Variants in OTUD7A observed in about 807,000 individuals in gnomAD.
OTUD7A encodes OTU domain-containing protein 7A.
A neutral mutation model predicts 65.7 loss-of-function variants in OTUD7A; 12 were observed. That is an observed-to-expected ratio of 0.18 (90% CI 0.12 to 0.30). The LOEUF is 0.30. Among genes scored for constraint, OTUD7A ranks in the 10% least tolerant of loss-of-function variants. OTUD7A has a pLI of 1.00. For synonymous variants in OTUD7A, 641 were observed against 586.3 expected (o/e 1.09, Z -1.35); for missense variants, 1,148 against 1,304.8 (o/e 0.88, Z 1.85).
In OTUD7A at chr15:31,748,700, G is replaced by A. The variant is rs531036300; in HGVS notation, c.-99-91623C>T. On this transcript the variant is annotated intron_variant, in intron 1 of 12. Coordinates refer to ENST00000307050, the MANE Select transcript of OTUD7A (RefSeq NM_001382637.1). Reference sequence around the variant, plus strand: ...AAAGCTAAACGTACAAATACCCTATGAACCAGCAATTTCATTCCTAGGTAT... The same window carrying A: ...AAAGCTAAACGTACAAATACCCTATAAACCAGCAATTTCATTCCTAGGTAT... Among the ~76,000 whole-genome samples, 554 of 152,120 alleles carry A rather than the reference G, an allele frequency of 3.6e-3. 2 individuals carry two copies. Among genetic ancestry groups the A allele is most frequent in the Non-Finnish European group, 5.5e-3 (377 of 68,002 alleles).
chr15:31,837,264 C>T (rs1897075878), intron 1 of OTUD7A, among the ~76,000 whole-genome samples: 1 of 151,846 alleles, frequency 6.6e-6, no homozygotes, highest in African/African-American at 2.4e-5. Context: ...TGCAGTGGCT[C>T]ACACCTGTAA....
chr15:31,537,667 C>T (rs1887850060), intron 5 of OTUD7A, among the ~76,000 whole-genome samples: 1 of 152,148 alleles, frequency 6.6e-6, no homozygotes, highest in Non-Finnish European at 1.5e-5. Context: ...TGGGTTGCCA[C>T]AGAGTAAAAT....
rs1246512709 is a variant in OTUD7A, at chr15:31,484,450, T to C, written c.1646A>G (p.Lys549Arg). ...MGGLGGLVHG[K>R]MGRANSANGK... is the part of the protein sequence containing the mutation. Reference sequence around the variant, plus strand: ...ATTGGCGGAGTTGGCGCGGCCCATCTTGCCGTGCACCAGGCCGCCGAGGCC... The same window carrying C: ...ATTGGCGGAGTTGGCGCGGCCCATCCTGCCGTGCACCAGGCCGCCGAGGCC... Residue 549 changes from lysine (K) to arginine (R), a missense_variant, in exon 13 of 13, where the codon AAG becomes AGG. Physicochemically the swap from Lys to Arg is conservative, Grantham distance 26 (BLOSUM62 2). Coordinates refer to ENST00000307050, the MANE Select transcript of OTUD7A (RefSeq NM_001382637.1). This position sits in a 1 kb window ranked among gnomAD's most constrained non-coding sequence, Gnocchi z 4.5. The C allele has an allele frequency of 2.5e-6, 4 of 1,604,566 alleles. No homozygotes were observed. Among genetic ancestry groups the C allele is most frequent in the East Asian group, 2.2e-5 (1 of 44,848 alleles).
chr15:31,541,154 A>T (rs780639293), intron 5 of OTUD7A, among the ~76,000 whole-genome samples: 53 of 151,838 alleles, frequency 3.5e-4, no homozygotes, highest in Non-Finnish European at 6.5e-4. Flanking sequence ...AGCATGTTAA[A>T]TTTTTTTTTG....
intron 1 of OTUD7A, among the ~76,000 whole-genome samples, chr15:31,770,892 T>C (rs1895216922): frequency 6.6e-6 from 1 of 152,112 alleles, no homozygotes; most frequent in Non-Finnish European, 1.5e-5. Context: ...ATTAAGAATA[T>C]AAAAGGACTC....
intron 5 of OTUD7A, among the ~76,000 whole-genome samples, chr15:31,531,373 A>C (rs1326011899): frequency 6.6e-6 from 1 of 152,264 alleles, no homozygotes; most frequent in East Asian, 1.9e-4. Context: ...TCATATTAGA[A>C]GACTCTGAAA....
At chr15:31,534,163 C>T (rs953716346) in intron 5 of OTUD7A, among the ~76,000 whole-genome samples, 1 of 152,036 alleles carries the variant, frequency 6.6e-6, no homozygotes, top group Non-Finnish European at 1.5e-5. Context: ...GAATATGATG[C>T]AAAATTCATA....
chr15:31,809,928 G>A (rs1489607570), intron 1 of OTUD7A, among the ~76,000 whole-genome samples: 2 of 152,208 alleles, frequency 1.3e-5, no homozygotes, highest in Admixed American at 6.5e-5. Flanking sequence ...TCCACAAAAT[G>A]TATCTAATTA....
Position 31,570,777 on chromosome 15 carries a change from C to T in OTUD7A, c.152-580G>A, listed in dbSNP as rs189377610. The stretch of plus-strand genomic sequence containing the variant: ...TGGGCAGGTGTGCCCAGCGTGGGTA[C>T]GCACTCAGCAGGGCTCCCACCCCGA... On this transcript the variant is annotated intron_variant, in intron 3 of 12. Coordinates refer to ENST00000307050, the MANE Select transcript of OTUD7A (RefSeq NM_001382637.1). Among the ~76,000 whole-genome samples the T allele has an allele frequency of 1.6e-4, 24 of 152,226 alleles. No homozygotes were observed. The East Asian group carries it at 2.1e-3, about 14-fold the overall frequency.
intron 5 of OTUD7A, chr15:31,557,391 A>C (rs1368011772): frequency 2.0e-5 from 3 of 152,236 alleles, no homozygotes; most frequent in Non-Finnish European, 2.9e-5. Flanking sequence ...ATCCTTCTCC[A>C]TGCTGCTCTG....
At chr15:31,775,743 T>C (rs946249450) in intron 1 of OTUD7A, among the ~76,000 whole-genome samples, 2 of 152,110 alleles carry the variant, frequency 1.3e-5, no homozygotes, top group African/African-American at 4.8e-5. Flanking sequence ...GGAATGAGTG[T>C]AGACATGGGC....
At chr15:31,783,690 A>C (rs191616140) in intron 1 of OTUD7A, among the ~76,000 whole-genome samples, 20 of 152,294 alleles carry the variant, frequency 1.3e-4, no homozygotes, top group Admixed American at 1.2e-3. Flanking sequence ...GAGGCAGAGC[A>C]CCTGTATGAC....
chr15:31,508,125 T>TAAGGA (rs1210246238), intron 8 of OTUD7A, among the ~76,000 whole-genome samples: 1 of 152,062 alleles, frequency 6.6e-6, no homozygotes, highest in Admixed American at 6.5e-5. Context: ...TATAACAGAA[T>TAAGGA]AAGGAAAGGA....
At position 31,483,461 on chromosome 15, in the gene OTUD7A, C is replaced by T. The variant is rs112313602; in HGVS notation, c.2635G>A (p.Ala879Thr). The stretch of plus-strand genomic sequence containing the variant: ...CGGCCGCACTCACCGTTCGAGCGCG[C>T]GGTCGGCGCGTCGGCGTCGGCGAAC... ...LEFADADAPT[A>T]RSNGECGRGG... Residue 879 changes from alanine (A) to threonine (T), a missense_variant, in exon 13 of 13, where the codon GCG becomes ACG. Ala to Thr is a moderately conservative substitution (Grantham distance 58). Coordinates refer to ENST00000307050, the MANE Select transcript of OTUD7A (RefSeq NM_001382637.1). The T allele has an allele frequency of 1.4e-6, 2 of 1,379,938 alleles. No individual in the cohort carries two copies. Among genetic ancestry groups the T allele is most frequent in the Non-Finnish European group, 9.4e-7 (1 of 1,066,706 alleles). The allele number at this position is 1,379,938 out of a possible 1,614,324, so 85.5% of individuals were successfully genotyped here. A position where few individuals can be genotyped will look rare whatever the true frequency, so the allele number is the denominator to read the frequency against.
chr15:31,483,342 G>A lies in OTUD7A; in HGVS notation c.2754C>T (p.Tyr918=), dbSNP rs552990778. The A allele has an allele frequency of 6.0e-4, 742 of 1,240,642 alleles. 6 individuals are homozygous for A. The South Asian group carries it at 0.016, about 27-fold the overall frequency. 76.9% of individuals were successfully genotyped at this position (1,240,642 alleles called of 1,614,324 possible). ...AETEHYCSYC[Y]REELRRRREA... ...CGCGCCGCCGCCGCAGCTCCTCGCG[G>A]TAGCAGTAGGAGCAGTAGTGCTCGG... The change falls in exon 13 of 13, where the codon TAC becomes TAT. Residue 918 remains tyrosine, a synonymous_variant. Coordinates refer to ENST00000307050, the MANE Select transcript of OTUD7A (RefSeq NM_001382637.1).
rs60414638 is a variant in OTUD7A at position 31,492,582 on chromosome 15, CAAAA to C, written c.1172-5020_1172-5017del. Among the ~76,000 whole-genome samples the C allele has an allele frequency of 4.0e-3, 490 of 121,646 alleles. 3 individuals carry two copies. Among genetic ancestry groups the C allele is most frequent in the African/African-American group, 0.01 (344 of 32,952 alleles). The allele number at this position is 121,646 out of a possible 152,430, so 79.8% of individuals were successfully genotyped here. A position where few individuals can be genotyped will look rare whatever the true frequency, so the allele number is the denominator to read the frequency against. ...TGAGTGACAGAGTGAGACTCTGTCT[CAAAA>C]AAAAAAAAAAAAACAAATCTCATTA... is the stretch of plus-strand genomic sequence containing the variant. On this transcript the variant is annotated intron_variant, in intron 10 of 12. Transcript: ENST00000307050.
At chr15:31,581,675 T>A (rs1352699159) in intron 3 of OTUD7A, among the ~76,000 whole-genome samples, 3 of 152,158 alleles carry the variant, frequency 2.0e-5, no homozygotes, top group Non-Finnish European at 4.4e-5. Context: ...TTTTTAGCCA[T>A]GGCTGGGATT....
chr15:31,492,121 A>C (rs188160216), intron 10 of OTUD7A, among the ~76,000 whole-genome samples: 2 of 152,368 alleles, frequency 1.3e-5, no homozygotes, highest in East Asian at 1.9e-4. Context: ...TTGCTCTAAC[A>C]GATAACTGTC....
At position 31,487,609 on chromosome 15, in the gene OTUD7A, C is replaced by A; in HGVS notation, c.1172-43G>T. 1 of 1,536,562 alleles carries A rather than the reference C, an allele frequency of 6.5e-7. No homozygotes were observed. The highest frequency in any genetic ancestry group is 1.2e-5 in the South Asian group (1 of 85,590). Reference sequence around the variant, plus strand: ...GAGCCGTGCTTGGAGCCCCGGCAGTCCCCAGGCAGGATGGCAAGGAAATTC... The same window carrying A: ...GAGCCGTGCTTGGAGCCCCGGCAGTACCCAGGCAGGATGGCAAGGAAATTC... On this transcript the variant is annotated intron_variant, in intron 10 of 12. Transcript: ENST00000307050. The surrounding 1 kb of genome is among the most constrained non-coding windows in gnomAD (Gnocchi z 6.0).
Sources: gnomAD v4.1 joint callset for allele counts (sites outside exome capture counted in the v4.1 genomes callset) on GRCh38, gnomAD v4.1.1 for gene constraint, Gnocchi (gnomAD v3.1) non-coding constraint, MANE v1.5 for transcripts, NCBI Gene and HGNC (gene_info 2026-07-23, HGNC 2026-07-21) for gene names.